The following PRKN variants were observed in gnomAD, a reference collection of about 807,000 sequenced individuals.
PRKN encodes the protein parkin RBR E3 ubiquitin protein ligase, also known as E3 ubiquitin-protein ligase parkin.
In PRKN, 56 loss-of-function variants were observed where a neutral mutation model predicts 59.5. The ratio of observed to expected loss-of-function variants is 0.94; its 90% confidence interval spans 0.76 to 1.18. The LOEUF is 1.18. Among genes scored for constraint, PRKN ranks in the 50% most tolerant of loss-of-function variants. The pLI is 0.00. For synonymous variants in PRKN, 250 were observed against 222.1 expected, an observed-to-expected ratio of 1.13 and a Z score of -1.12; for missense variants, 657 against 596.4, an observed-to-expected ratio of 1.10 and a Z score of -1.06.
chr6:162,647,884 C>T lies in PRKN; in HGVS notation c.7+79778G>A, dbSNP rs542178031. Among the ~76,000 whole-genome samples the T allele has an allele frequency of 8.6e-5, 11 of 127,788 alleles. No individual in the cohort carries two copies. In the South Asian group the frequency reaches 2.7e-3, roughly 31 times the overall value. 83.8% of individuals were successfully genotyped at this position (127,788 alleles called of 152,430 possible). On this transcript the variant is annotated intron_variant, in intron 1 of 11. Transcript: ENST00000366898. ...CAATGAAGAAGTACTTTCTTTCTAG[C>T]TATATAAGATCATGTTAGAGCTCCC... is the stretch of plus-strand genomic sequence containing the variant.
intron 4 of PRKN, among the ~76,000 whole-genome samples, chr6:162,105,685 C>A (rs1302542299): frequency 1.3e-5 from 2 of 152,220 alleles, no homozygotes; most frequent in African/African-American, 4.8e-5. Flanking sequence ...CAGGCATGAG[C>A]CACTGCACCC....
In PRKN at chr6:162,506,244, G is replaced by C. The variant is rs1793599207; in HGVS notation, c.8-62771C>G. ...ACAACAGAACCCTTGGGAAAATAAAGAGGAAGCAAAAAAAAAAAAAAAAAA... is the reference window on the plus strand; with the variant it reads ...ACAACAGAACCCTTGGGAAAATAAACAGGAAGCAAAAAAAAAAAAAAAAAA... On this transcript the variant is annotated intron_variant, in intron 1 of 11. Transcript: ENST00000366898. Among the ~76,000 whole-genome samples, 11 of 58,394 alleles carry C rather than the reference G, an allele frequency of 1.9e-4. No homozygotes were observed. In the South Asian group the frequency reaches 5.9e-3, roughly 31 times the overall value. The allele number at this position is 58,394 out of a possible 152,430, so 38.3% of individuals were successfully genotyped here.
At chr6:162,616,431 AC>A (rs541615867) in intron 1 of PRKN, among the ~76,000 whole-genome samples, 1 of 152,072 alleles carries the variant, frequency 6.6e-6, no homozygotes, top group Admixed American at 6.6e-5. Flanking sequence ...CACTGTAATT[AC>A]CCCATTAAAT....
intron 1 of PRKN, among the ~76,000 whole-genome samples, chr6:162,534,917 T>A (rs1182252883): frequency 2.6e-5 from 4 of 152,110 alleles, no homozygotes; most frequent in Admixed American, 6.6e-5. Context: ...TGCCTTCCCA[T>A]CAGAGGAGAA....
intron 6 of PRKN, among the ~76,000 whole-genome samples, chr6:161,932,310 A>T (rs1177537212): frequency 6.6e-6 from 1 of 152,140 alleles, no homozygotes; most frequent in African/African-American, 2.4e-5. Context: ...AATGTTTAAG[A>T]TCATAAAAAA....
At chr6:162,314,750 G>C (rs780007276) in intron 2 of PRKN, among the ~76,000 whole-genome samples, 16 of 152,106 alleles carry the variant, frequency 1.1e-4, no homozygotes, top group Non-Finnish European at 2.2e-4. Context: ...TATTTCTTTA[G>C]AGCTTTGCAC....
At chr6:161,384,683 T>C (rs897328745) in intron 10 of PRKN, among the ~76,000 whole-genome samples, 1 of 152,220 alleles carries the variant, frequency 6.6e-6, no homozygotes, top group Admixed American at 6.5e-5. Flanking sequence ...GAAGAGGTTC[T>C]GGCTTCTGCA....
At chr6:162,247,980 A>T (rs530156355) in intron 3 of PRKN, among the ~76,000 whole-genome samples, 9 of 152,316 alleles carry the variant, frequency 5.9e-5, no homozygotes, top group Admixed American at 4.6e-4. Flanking sequence ...TCTAAAATTT[A>T]AAAATATAGA....
chr6:162,023,446 T>C (rs1783290788), intron 5 of PRKN, among the ~76,000 whole-genome samples: 2 of 152,150 alleles, frequency 1.3e-5, no homozygotes, highest in African/African-American at 4.8e-5. Flanking sequence ...GGTTTTTCCC[T>C]GGAGTCGGGC....
chr6:161,480,462 A>G lies in PRKN; in HGVS notation c.1083+68392T>C, dbSNP rs1791336984. On this transcript the variant is annotated intron_variant, in intron 9 of 11. Coordinates refer to ENST00000366898, the MANE Select transcript of PRKN (RefSeq NM_004562.3). This position sits in a 1 kb window ranked among gnomAD's most constrained non-coding sequence, Gnocchi z 4.1. The stretch of plus-strand genomic sequence containing the variant: ...TTATTTCACATATGAGAAAATTGAG[A>G]GCTTAAACAGCTTGCTTAAAATAGC... Among the ~76,000 whole-genome samples the G allele has an allele frequency of 6.6e-6, 1 of 152,208 alleles. No homozygotes were observed. Among genetic ancestry groups the G allele is most frequent in the South Asian group, 2.1e-4 (1 of 4,834 alleles).
intron 6 of PRKN, among the ~76,000 whole-genome samples, chr6:161,835,402 C>T (rs961642278): frequency 2.0e-5 from 3 of 152,166 alleles, no homozygotes; most frequent in East Asian, 1.9e-4. Flanking sequence ...CCCACTCTTC[C>T]GTACCCTTGT....
intron 6 of PRKN, among the ~76,000 whole-genome samples, chr6:161,797,502 T>C (rs1033236993): frequency 6.6e-6 from 1 of 152,180 alleles, no homozygotes; most frequent in African/African-American, 2.4e-5. Context: ...TGACCTCAAG[T>C]GATCCACCTG....
chr6:162,343,819 T>C (rs116786383), intron 2 of PRKN, among the ~76,000 whole-genome samples: 2,986 of 152,280 alleles, frequency 0.02, 59 homozygotes, highest in East Asian at 0.11. Flanking sequence ...ACCTACATGA[T>C]TTCTAATGTT....
chr6:162,099,919 C>T lies in PRKN; in HGVS notation c.535-45745G>A, dbSNP rs537886501. The stretch of plus-strand genomic sequence containing the variant: ...TTGCTTCCTGTGACCAACACCTCCC[C>T]GCCCACACACAGCCCCAACTTCCAG... On this transcript the variant is annotated intron_variant, in intron 4 of 11. Transcript: ENST00000366898. Among the ~76,000 whole-genome samples the T allele has an allele frequency of 5.3e-5, 8 of 152,350 alleles. 1 individual carries two copies. The highest frequency in any genetic ancestry group is 4.1e-4 in the South Asian group (2 of 4,822).
intron 7 of PRKN, among the ~76,000 whole-genome samples, chr6:161,648,737 C>T (rs902061610): frequency 6.6e-6 from 1 of 152,090 alleles, no homozygotes; most frequent in African/African-American, 2.4e-5. Flanking sequence ...TGCAGTAGAT[C>T]AACAGCATAA....
At position 161,560,640 on chromosome 6, in the gene PRKN, C is replaced by T. The variant is rs547860647; in HGVS notation, c.933+8715G>A. Among the ~76,000 whole-genome samples, 9 of 152,310 alleles carry T rather than the reference C, an allele frequency of 5.9e-5. No homozygotes were observed. The highest frequency in any genetic ancestry group is 1.3e-4 in the Admixed American group (2 of 15,296). On this transcript the variant is annotated intron_variant, in intron 8 of 11. Transcript: ENST00000366898. This position sits in a 1 kb window ranked among gnomAD's most constrained non-coding sequence, Gnocchi z 4.9. ...CCTTTTTCTCATCCTTCTATTCGCA[C>T]GGTCCATCCCCAGGCTCTGTCATCC...
chr6:161,990,785 G>A (rs1562442144), intron 5 of PRKN, among the ~76,000 whole-genome samples: 1 of 152,258 alleles, frequency 6.6e-6, no homozygotes, highest in South Asian at 2.1e-4. Context: ...AATGGAATTT[G>A]GGGTGTTCCA....
chr6:162,511,213 T>A (rs1777601912), intron 1 of PRKN, among the ~76,000 whole-genome samples: 1 of 152,082 alleles, frequency 6.6e-6, no homozygotes, highest in Non-Finnish European at 1.5e-5. Context: ...TTTTTTTTTC[T>A]TATCAGGCCT....
intron 7 of PRKN, among the ~76,000 whole-genome samples, chr6:161,727,010 C>A (rs1237601693): frequency 6.6e-6 from 1 of 152,142 alleles, no homozygotes; most frequent in African/African-American, 2.4e-5. Context: ...CTTCTCGGTT[C>A]CCCTCTTCCC....
Sources: allele counts gnomAD v4.1 joint callset (sites outside exome capture counted in the v4.1 genomes callset), GRCh38; gene constraint gnomAD v4.1.1; non-coding constraint Gnocchi (gnomAD v3.1); transcripts MANE v1.5; gene names NCBI Gene and HGNC (gene_info 2026-07-23, HGNC 2026-07-21).